Variants in THSD4 observed in about 807,000 individuals in gnomAD.
THSD4 encodes the protein thrombospondin type-1 domain-containing protein 4.
In THSD4, 69 loss-of-function variants were observed where a neutral mutation model predicts 119.0. The observed-to-expected ratio is 0.58, with a 90% confidence interval of 0.48 to 0.71. THSD4 has a LOEUF of 0.71. THSD4 is among the 30% of genes least tolerant of loss of function. THSD4 has a pLI of 0.00. For synonymous variants in THSD4, 524 were observed against 540.4 expected, an observed-to-expected ratio of 0.97 and a Z score of 0.42; for missense variants, 1,393 against 1,391.1, an observed-to-expected ratio of 1.00 and a Z score of -0.02.
intron 6 of THSD4, among the ~76,000 whole-genome samples, chr15:71,312,497 G>A (rs139347075): frequency 0.01 from 1,536 of 152,160 alleles, 11 homozygotes; most frequent in Non-Finnish European, 0.014. Context: ...GAGAGGCCTC[G>A]GAGGAAACGA....
chr15:71,469,727 C>T (rs1460597183), intron 7 of THSD4, among the ~76,000 whole-genome samples: 1 of 152,204 alleles, frequency 6.6e-6, no homozygotes, highest in Admixed American at 6.5e-5. Context: ...GATCTCCCTC[C>T]CCATGATCTC....
intron 4 of THSD4, among the ~76,000 whole-genome samples, chr15:71,242,396 C>T (rs975934130): frequency 2.0e-5 from 3 of 152,074 alleles, no homozygotes; most frequent in African/African-American, 7.2e-5. Flanking sequence ...CATTTCCAAC[C>T]ACTTGCATCA....
chr15:71,525,012 A>G (rs915035579), intron 7 of THSD4, among the ~76,000 whole-genome samples: 1 of 151,494 alleles, frequency 6.6e-6, no homozygotes, highest in Non-Finnish European at 1.5e-5. Context: ...TGCATCTTGG[A>G]TGCAGTCTTC....
chr15:71,179,995 G>A (rs905884784), intron 3 of THSD4, among the ~76,000 whole-genome samples: 2 of 98,512 alleles, frequency 2.0e-5, no homozygotes, highest in African/African-American at 7.9e-5. Context: ...ACTGTGGTGG[G>A]GTCGGGGGAG....
chr15:71,634,198 AAAAAAG>A (rs1476606265), intron 7 of THSD4, among the ~76,000 whole-genome samples: 30 of 147,362 alleles, frequency 2.0e-4, no homozygotes, highest in African/African-American at 4.7e-4. Context: ...AAAAAAAAAA[AAAAAAG>A]AAAAAGAAAA....
At chr15:71,341,116 CTT>C (rs148908902) in intron 6 of THSD4, 13 of 1,168,274 alleles carry the variant, frequency 1.1e-5, no homozygotes, top group South Asian at 2.8e-5. Flanking sequence ...CTCTCTCTCC[CTT>C]TTTTTTTTCC....
chr15:71,218,001 G>T (rs2043948218), intron 4 of THSD4, among the ~76,000 whole-genome samples: 1 of 151,828 alleles, frequency 6.6e-6, no homozygotes, highest in African/African-American at 2.4e-5. Flanking sequence ...TGGCCAGGCT[G>T]GCCTCGAACT....
chr15:71,100,228 ATATGGTAAGGTGATGGAATG>A (rs2040248415), intron 1 of THSD4, among the ~76,000 whole-genome samples: 1 of 152,192 alleles, frequency 6.6e-6, no homozygotes, highest in African/African-American at 2.4e-5. Flanking sequence ...AACCAATAGA[ATATGGTAAGGTGATGGAATG>A]TCACTTTTGT....
rs748448964 is a variant in THSD4, at chr15:71,757,977, C to T, written c.2491C>T (p.Leu831=). ...CMTNHVSSLP[L]EGCGNNRPAE... The stretch of plus-strand genomic sequence containing the variant: ...GACCAACCATGTCAGCAGCCTGCCC[C>T]TGGAGGGCTGTGGGAACAACCGGCC... The change falls in exon 15 of 18, where the codon CTG becomes TTG. Residue 831 remains leucine, a synonymous_variant. Coordinates refer to ENST00000261862, the MANE Select transcript of THSD4 (RefSeq NM_024817.3). The T allele has an allele frequency of 1.2e-6, 2 of 1,614,166 alleles. No individual in the cohort carries two copies. Among genetic ancestry groups the T allele is most frequent in the Non-Finnish European group, 1.7e-6 (2 of 1,180,044 alleles).
intron 7 of THSD4, among the ~76,000 whole-genome samples, chr15:71,552,452 G>A (rs1164283094): frequency 6.6e-6 from 1 of 152,174 alleles, no homozygotes; most frequent in African/African-American, 2.4e-5. Context: ...GTGGCAAATA[G>A]AAATGAAGGG....
chr15:71,221,254 C>A (rs1444861596), intron 4 of THSD4, among the ~76,000 whole-genome samples: 1 of 152,120 alleles, frequency 6.6e-6, no homozygotes, highest in Non-Finnish European at 1.5e-5. Flanking sequence ...TTTCTTCCTC[C>A]AATTATTTTA....
At chr15:71,146,928 T>A (rs2040668052) in intron 2 of THSD4, among the ~76,000 whole-genome samples, 2 of 152,186 alleles carry the variant, frequency 1.3e-5, no homozygotes, top group South Asian at 4.1e-4. Flanking sequence ...TGCTAGAACA[T>A]TCTGTACCCA....
At chr15:71,234,230 A>C (rs1485491233) in intron 4 of THSD4, among the ~76,000 whole-genome samples, 1 of 152,202 alleles carries the variant, frequency 6.6e-6, no homozygotes, top group East Asian at 1.9e-4. Context: ...TCAGGCCCCT[A>C]AACACATCTG....
chr15:71,477,895 G>A (rs1308025074), intron 7 of THSD4, among the ~76,000 whole-genome samples: 1 of 152,182 alleles, frequency 6.6e-6, no homozygotes, highest in Non-Finnish European at 1.5e-5. Flanking sequence ...CTATCTCACT[G>A]CTTGCTTTCA....
intron 6 of THSD4, among the ~76,000 whole-genome samples, chr15:71,277,178 T>C (rs2140310202): frequency 6.8e-6 from 1 of 147,478 alleles, no homozygotes; most frequent in East Asian, 2.2e-4. Flanking sequence ...CAGGCTGGAG[T>C]GCAGTGGTGC....
In THSD4 at chr15:71,411,758, A is replaced by G. The variant is rs568577970; in HGVS notation, c.1087A>G (p.Lys363Glu). 10 of 1,614,150 alleles carry G rather than the reference A, an allele frequency of 6.2e-6. No homozygotes were observed. Among genetic ancestry groups the G allele is most frequent in the Middle Eastern group, 1.7e-4 (1 of 6,060 alleles). ...GYRFYVRQAE[K>E]VIDGTPCDQN... is the part of the protein sequence containing the mutation. ...CCGCTTCTATGTACGGCAAGCTGAG[A>G]AAGTCATCGATGGCACCCCCTGTGA... Residue 363 changes from lysine to glutamate, a missense_variant, in exon 7 of 18, where the codon AAA becomes GAA. Physicochemically the swap from Lys to Glu is moderately conservative, Grantham distance 56. Transcript: ENST00000261862.
intron 6 of THSD4, among the ~76,000 whole-genome samples, chr15:71,405,515 A>C (rs1393180777): frequency 6.6e-6 from 1 of 152,204 alleles, no homozygotes; most frequent in African/African-American, 2.4e-5. Context: ...GTAAGGGTTT[A>C]TATCTAGACT....
At chr15:71,638,158 G>A (rs1329102319) in intron 7 of THSD4, among the ~76,000 whole-genome samples, 1 of 152,230 alleles carries the variant, frequency 6.6e-6, no homozygotes, top group Non-Finnish European at 1.5e-5. Context: ...CACAGTGAAA[G>A]TCAAGAATGT....
chr15:71,508,131 A>G (rs1252972829), intron 7 of THSD4, among the ~76,000 whole-genome samples: 3 of 152,218 alleles, frequency 2.0e-5, no homozygotes, highest in African/African-American at 7.2e-5. Flanking sequence ...GGAACTGTCT[A>G]GACAAGTAAT....
Sources: gnomAD v4.1 joint callset for allele counts (sites outside exome capture counted in the v4.1 genomes callset) on GRCh38, gnomAD v4.1.1 for gene constraint, MANE v1.5 for transcripts, NCBI Gene and HGNC (gene_info 2026-07-23, HGNC 2026-07-21) for gene names.